The following IGDCC4 variants were observed in gnomAD, a reference collection of about 807,000 sequenced individuals.
The protein encoded by IGDCC4 is likely ortholog of mouse neighbor of Punc E11.
In IGDCC4, 72 loss-of-function variants were observed where a neutral mutation model predicts 116.6. The observed-to-expected ratio is 0.62, with a 90% CI of 0.51 to 0.75. IGDCC4 has a LOEUF of 0.75. Among genes scored for constraint, IGDCC4 ranks in the 30% least tolerant of loss-of-function variants. IGDCC4 has a pLI of 0.00. For missense variants in IGDCC4, 1,501 were observed against 1,662.4 expected (o/e 0.90, Z 1.69); for synonymous variants, 709 against 719.9 (o/e 0.98, Z 0.24).
rs750585500 is a variant in IGDCC4, at chr15:65,391,847, G to A, written c.2224+33C>T. ...AGCGGCTAGCAGAGCCCTCACCTGA[G>A]CCCTCCCCGCCTTCTTCCCCCACCG... On this transcript the variant is annotated intron_variant, in intron 12 of 19. Transcript: ENST00000352385. 10 of 1,588,258 alleles carry A rather than the reference G, an allele frequency of 6.3e-6. No individual in the cohort carries two copies. In the South Asian group the frequency reaches 9.9e-5, roughly 16 times the overall value.
rs115806204 is a variant in IGDCC4, at chr15:65,394,611, C to T, written c.1577-63G>A. The T allele has an allele frequency of 3.8e-4, 572 of 1,489,150 alleles. 2 individuals carry two copies. In the African/African-American group the frequency reaches 4.6e-3, roughly 12 times the overall value. The allele number at this position is 1,489,150 out of a possible 1,614,324, so 92.2% of individuals were successfully genotyped here. ...CGACGTGGAAGGTGAGGCTCGGGAG[C>T]GGTCAGAGACTTGCCTGGGTCACAC... On this transcript the variant is annotated intron_variant, in intron 8 of 19. Coordinates refer to ENST00000352385, the MANE Select transcript of IGDCC4 (RefSeq NM_020962.3).
At chr15:65,395,410 G>T in intron 7 of IGDCC4, 152 bp from the exon 8 acceptor site, 1 of 789,258 alleles carries the variant, frequency 1.3e-6, no homozygotes, top group Non-Finnish European at 1.9e-6. Flanking sequence ...AACTCCCTCA[G>T]CTTCCTGTCT....
chr15:65,402,524 A>C (rs1567088350), intron 3 of IGDCC4, 37 bp from the exon 4 acceptor site: 1 of 1,555,488 alleles, frequency 6.4e-7, no homozygotes, highest in Admixed American at 2.0e-5. Context: ...TGAGGTGGGC[A>C]GGGGGGCCAC....
intron 3 of IGDCC4, among the ~76,000 whole-genome samples, chr15:65,405,269 A>C (rs593647): frequency 6.7e-6 from 1 of 150,310 alleles, no homozygotes. Flanking sequence ...TGTAGGAGTG[A>C]GATTACGGGG....
chr15:65,420,280 A>G (rs2063178740), intron 1 of IGDCC4, among the ~76,000 whole-genome samples: 1 of 152,058 alleles, frequency 6.6e-6, no homozygotes, highest in Admixed American at 6.5e-5. Flanking sequence ...GCCCCCTACA[A>G]ATTCAATCTA....
rs113807576 is a variant in IGDCC4 at position 65,401,519 on chromosome 15, T to G, written c.701-573A>C. Among the ~76,000 whole-genome samples the G allele has an allele frequency of 3.1e-3, 471 of 151,628 alleles. 2 individuals carry two copies. The highest frequency in any genetic ancestry group is 0.011 in the African/African-American group (437 of 41,256). ...CCAGCAGGTGGAGGCAGATACCCCT[T>G]GAACAGAAGAAAGACGACACCAGAC... On this transcript the variant is annotated intron_variant, in intron 4 of 19. Coordinates refer to ENST00000352385, the MANE Select transcript of IGDCC4 (RefSeq NM_020962.3).
Position 65,385,122 on chromosome 15 carries a change from G to C in IGDCC4, c.3181-7C>G, listed in dbSNP as rs752225220. 19 of 1,581,046 alleles carry C rather than the reference G, an allele frequency of 1.2e-5. No individual in the cohort carries two copies. Among genetic ancestry groups the C allele is most frequent in the Admixed American group, 1.8e-5 (1 of 54,636 alleles). On this transcript the variant is annotated splice_polypyrimidine_tract_variant and splice_region_variant and intron_variant, in intron 18 of 19. Transcript: ENST00000352385. ...TTGGTTGAGCCCAGGAGATCTGCAC[G>C]GGGGAAAGAAGGGGACAGTAAGGGG...
intron 1 of IGDCC4, among the ~76,000 whole-genome samples, chr15:65,422,323 T>C (rs904468740): frequency 6.6e-5 from 10 of 151,480 alleles, no homozygotes; most frequent in African/African-American, 1.5e-4. Context: ...ATAAACACAA[T>C]TGCACACGCA....
Position 65,384,850 on chromosome 15 carries a change from C to T in IGDCC4, c.3342+104G>A. Reference sequence around the variant, plus strand: ...GGTCTCCTGGCTAGACTTCTATCCCCAGGAAAGTTACCACCCAGGGGTCTC... The same window carrying T: ...GGTCTCCTGGCTAGACTTCTATCCCTAGGAAAGTTACCACCCAGGGGTCTC... On this transcript the variant is annotated intron_variant, in intron 19 of 19. Coordinates refer to ENST00000352385, the MANE Select transcript of IGDCC4 (RefSeq NM_020962.3). The surrounding 1 kb of genome is among the most constrained non-coding windows in gnomAD (Gnocchi z 4.9). The T allele has an allele frequency of 7.0e-7, 1 of 1,434,104 alleles. No individual in the cohort carries two copies. Among genetic ancestry groups the T allele is most frequent in the Non-Finnish European group, 9.3e-7 (1 of 1,072,090 alleles). 88.8% of individuals were successfully genotyped at this position (1,434,104 alleles called of 1,614,324 possible).
intron 3 of IGDCC4, among the ~76,000 whole-genome samples, chr15:65,406,822 C>T (rs564997011): frequency 1.8e-4 from 27 of 152,208 alleles, no homozygotes; most frequent in Admixed American, 1.4e-3. Flanking sequence ...CAGCTCTGGC[C>T]TCCTGGGTTA....
intron 1 of IGDCC4, among the ~76,000 whole-genome samples, chr15:65,415,839 T>A (rs922729885): frequency 6.6e-6 from 1 of 152,176 alleles, no homozygotes; most frequent in South Asian, 2.1e-4. Context: ...AGGCTGCTCC[T>A]ACCTTCCCCA....
At position 65,404,479 on chromosome 15, in the gene IGDCC4, C is replaced by T. The variant is rs115044387; in HGVS notation, c.564-1992G>A. ...ACAGGCCCCACCCCCATCCATCTAA[C>T]GTGCTCTTCCTCCAAGACCTTTCTT... is the stretch of plus-strand genomic sequence containing the variant. On this transcript the variant is annotated intron_variant, in intron 3 of 19. Transcript: ENST00000352385. Among the ~76,000 whole-genome samples the T allele has an allele frequency of 4.5e-3, 691 of 152,200 alleles. 4 individuals carry two copies. The highest frequency in any genetic ancestry group is 0.016 in the African/African-American group (665 of 41,532).
rs968316189 is a variant in IGDCC4 at position 65,393,248 on chromosome 15, T to C, written c.1885+113A>G. ...CTCACCCATCAAGCGGAGGGAGCCA[T>C]GGAAGGTCTCTGATGGAGGGCGGGG... On this transcript the variant is annotated intron_variant, in intron 10 of 19. Coordinates refer to ENST00000352385, the MANE Select transcript of IGDCC4 (RefSeq NM_020962.3). This position sits in a 1 kb window ranked among gnomAD's most constrained non-coding sequence, Gnocchi z 4.6. 258 of 1,156,348 alleles carry C rather than the reference T, an allele frequency of 2.2e-4. No homozygotes were observed. The highest frequency in any genetic ancestry group is 4.6e-4 in the Admixed American group (14 of 30,132). 71.6% of individuals were successfully genotyped at this position (1,156,348 alleles called of 1,614,324 possible).
At chr15:65,399,123 G>T (rs1270063239) in intron 5 of IGDCC4, among the ~76,000 whole-genome samples, 2 of 152,064 alleles carry the variant, frequency 1.3e-5, no homozygotes, top group African/African-American at 4.8e-5. Flanking sequence ...CTGAGGCAGG[G>T]CCCCAGATTC....
At chr15:65,398,553 AAAAG>A (rs1190685417) in intron 5 of IGDCC4, among the ~76,000 whole-genome samples, 2 of 124,408 alleles carry the variant, frequency 1.6e-5, no homozygotes, top group South Asian at 2.4e-4. Context: ...AAAAAAAAAA[AAAAG>A]AAAGAAAAGA....
intron 3 of IGDCC4, among the ~76,000 whole-genome samples, chr15:65,409,441 G>T (rs1000491301): frequency 1.3e-5 from 2 of 152,144 alleles, no homozygotes; most frequent in Non-Finnish European, 2.9e-5. Flanking sequence ...CATTTCCAAA[G>T]ATACGTAAGA....
intron 17 of IGDCC4, 29 bp downstream of exon 17, chr15:65,386,522 C>T (rs772127125): frequency 1.9e-6 from 3 of 1,551,498 alleles, no homozygotes; most frequent in Non-Finnish European, 1.7e-6. Context: ...GTCTCCCTTC[C>T]CTGAAGTCAG....
At position 65,384,886 on chromosome 15, in the gene IGDCC4, A is replaced by G; in HGVS notation, c.3342+68T>C. On this transcript the variant is annotated intron_variant, in intron 19 of 19. Coordinates refer to ENST00000352385, the MANE Select transcript of IGDCC4 (RefSeq NM_020962.3). The surrounding 1 kb of genome is among the most constrained non-coding windows in gnomAD (Gnocchi z 4.9). ...CCACCCAGGGGTCTCCAGAGAACTC[A>G]TTACTTCCTCTTCACAAGCACAGAG... The G allele has an allele frequency of 6.5e-7, 1 of 1,547,776 alleles. No individual in the cohort carries two copies. The highest frequency in any genetic ancestry group is 8.7e-7 in the Non-Finnish European group (1 of 1,149,476).
chr15:65,386,664 G>A lies in IGDCC4; in HGVS notation c.2846-8C>T. On this transcript the variant is annotated splice_region_variant and splice_polypyrimidine_tract_variant and intron_variant, in intron 16 of 19. Transcript: ENST00000352385. ...AGTGCATGTCCAGCGAGTCTGGTGG[G>A]GGAGAGAGAGGCACAGAGCAGGTCA... The A allele has an allele frequency of 6.2e-7, 1 of 1,604,746 alleles. No homozygotes were observed. Among genetic ancestry groups the A allele is most frequent in the Middle Eastern group, 1.7e-4 (1 of 6,052 alleles).
Sources: allele counts gnomAD v4.1 joint callset (sites outside exome capture counted in the v4.1 genomes callset), GRCh38; gene constraint gnomAD v4.1.1; non-coding constraint Gnocchi (gnomAD v3.1); transcripts MANE v1.5; gene names NCBI Gene and HGNC (gene_info 2026-07-23, HGNC 2026-07-21).